Variants in GALNT13 observed in about 807,000 individuals in gnomAD.
GALNT13 encodes the protein polypeptide N-acetylgalactosaminyltransferase 13.
A neutral mutation model predicts 64.2 loss-of-function variants in GALNT13; 28 were observed. That is an observed-to-expected ratio of 0.44 (90% CI 0.32 to 0.60). The LOEUF is 0.60. GALNT13 is among the 20% of genes least tolerant of loss of function. GALNT13 has a pLI of 0.05. For missense variants in GALNT13, 577 were observed against 669.8 expected, an observed-to-expected ratio of 0.86 and a Z score of 1.53; for synonymous variants, 214 against 224.6, an observed-to-expected ratio of 0.95 and a Z score of 0.42.
chr2:154,089,812 CTT>C (rs58287232), intron 3 of GALNT13, among the ~76,000 whole-genome samples: 86 of 140,904 alleles, frequency 6.1e-4, no homozygotes, highest in Non-Finnish European at 7.6e-4. Flanking sequence ...AGATATTACC[CTT>C]TTTTTTTTTT....
At chr2:153,874,057 C>T (rs1302434174) in intron 1 of GALNT13, among the ~76,000 whole-genome samples, 1 of 151,084 alleles carries the variant, frequency 6.6e-6, no homozygotes. Flanking sequence ...TTTTGCATTA[C>T]ATTACTAATC....
rs549946940 is a variant in GALNT13, at chr2:154,329,793, A to C, written c.1156+28204A>C. Among the ~76,000 whole-genome samples the C allele has an allele frequency of 1.6e-3, 243 of 152,064 alleles. 5 individuals carry two copies. The East Asian group carries it at 0.036, about 22-fold the overall frequency. ...CCTGAGAGAGCTGGTTGTTAAAAAA[A>C]AGCCCTGGCACCACACCTCTGCCTC... On this transcript the variant is annotated intron_variant, in intron 9 of 12. Transcript: ENST00000392825.
chr2:153,198,564 G>A, the GALNT13 span, among the ~76,000 whole-genome samples: 1 of 152,130 alleles, frequency 6.6e-6, no homozygotes, highest in Non-Finnish European at 1.5e-5. Context: ...TTGGTTCTTT[G>A]TGGAGTTGAG....
the GALNT13 span, among the ~76,000 whole-genome samples, chr2:153,741,013 C>G: frequency 6.6e-6 from 1 of 152,140 alleles, no homozygotes; most frequent in Non-Finnish European, 1.5e-5. Context: ...GTTAGCCACA[C>G]TAGAAGCAAA....
At chr2:153,825,559 T>C in the GALNT13 span, among the ~76,000 whole-genome samples, 1 of 151,890 alleles carries the variant, frequency 6.6e-6, no homozygotes, top group African/African-American at 2.4e-5. Flanking sequence ...TTTTTAGGAA[T>C]GCAGGTATGA....
the GALNT13 span, among the ~76,000 whole-genome samples, chr2:153,181,995 A>C: frequency 2.0e-5 from 3 of 151,004 alleles, no homozygotes; most frequent in Non-Finnish European, 4.4e-5. Flanking sequence ...TCAGCTTGAA[A>C]ATAAATTCTC....
chr2:153,170,054 A>C, the GALNT13 span, among the ~76,000 whole-genome samples: 1 of 152,340 alleles, frequency 6.6e-6, no homozygotes, highest in Admixed American at 6.5e-5. Context: ...ACTATTATCT[A>C]ATTTATAAAA....
chr2:153,229,339 T>C, the GALNT13 span, among the ~76,000 whole-genome samples: 1 of 152,230 alleles, frequency 6.6e-6, no homozygotes, highest in East Asian at 1.9e-4. Flanking sequence ...GTTGCTTCCT[T>C]ACCCTCTGTG....
intron 9 of GALNT13, among the ~76,000 whole-genome samples, chr2:154,350,339 C>T (rs576300244): frequency 9.9e-5 from 15 of 152,262 alleles, no homozygotes; most frequent in Non-Finnish European, 1.8e-4. Flanking sequence ...GGCAGAAGAA[C>T]GTGGAAGGAC....
At chr2:154,071,863 C>T (rs1277430898) in intron 3 of GALNT13, among the ~76,000 whole-genome samples, 2 of 151,992 alleles carry the variant, frequency 1.3e-5, no homozygotes, top group Non-Finnish European at 2.9e-5. Context: ...CATCTTAACC[C>T]AACCAGTGGT....
intron 2 of GALNT13, among the ~76,000 whole-genome samples, chr2:153,906,402 C>T (rs1304175882): frequency 4.3e-5 from 6 of 138,518 alleles, no homozygotes; most frequent in Admixed American, 3.7e-4. Flanking sequence ...CCCCTCCCCC[C>T]ACTCCACAAC....
Position 154,052,734 on chromosome 2 carries a change from CT to C in GALNT13, c.143-87583del, listed in dbSNP as rs548779869. 4.6e-3 allele frequency among the ~76,000 whole-genome samples: 567 copies of C among 123,114 alleles called. 2 individuals carry two copies. Among genetic ancestry groups the C allele is most frequent in the Admixed American group, 0.017 (208 of 12,124 alleles). 80.8% of individuals were successfully genotyped at this position (123,114 alleles called of 152,430 possible). A position where few individuals can be genotyped will look rare whatever the true frequency, so the allele number is the denominator to read the frequency against. On this transcript the variant is annotated intron_variant, in intron 3 of 12. Transcript: ENST00000392825. Reference sequence around the variant, plus strand: ...TTTGTTCACTTTACTACAGAATTGACTTTTTTTTTTTTTTTTTTTTGAGACG... The same window carrying C: ...TTTGTTCACTTTACTACAGAATTGACTTTTTTTTTTTTTTTTTTTGAGACG...
intron 3 of GALNT13, among the ~76,000 whole-genome samples, chr2:153,994,361 G>A (rs1574286836): frequency 6.6e-6 from 1 of 152,126 alleles, no homozygotes; most frequent in East Asian, 1.9e-4. Context: ...ATTGTGAATA[G>A]TGCTGCAATA....
At chr2:154,039,230 ACCATATGAT>A (rs1361565041) in intron 3 of GALNT13, among the ~76,000 whole-genome samples, 2 of 151,968 alleles carry the variant, frequency 1.3e-5, no homozygotes, top group Non-Finnish European at 2.9e-5. Flanking sequence ...AAATAGAACT[ACCATATGAT>A]CCAGTAATCC....
chr2:154,137,495 T>C lies in GALNT13; in HGVS notation c.143-2842T>C, dbSNP rs1392417498. Among the ~76,000 whole-genome samples the C allele has an allele frequency of 2.0e-5, 3 of 152,152 alleles. No individual in the cohort carries two copies. In the South Asian group the frequency reaches 6.2e-4, roughly 32 times the overall value. ...ACATGTTGTTGCAAGTAGTCCTAGG[T>C]ATACGGACACTGTTTATGACCATTT... On this transcript the variant is annotated intron_variant, in intron 3 of 12. Coordinates refer to ENST00000392825, the MANE Select transcript of GALNT13 (RefSeq NM_052917.4).
intron 4 of GALNT13, chr2:154,236,252 T>C (rs1573930677): frequency 2.6e-6 from 2 of 773,364 alleles, no homozygotes; most frequent in East Asian, 1.9e-4. Context: ...TTTTAAAATG[T>C]TGGCATAAGC....
chr2:153,116,738 C>T, the GALNT13 span, among the ~76,000 whole-genome samples: 3 of 151,364 alleles, frequency 2.0e-5, no homozygotes, highest in Admixed American at 6.6e-5. Context: ...AAGTGTACAG[C>T]CTCATAAAAA....
Position 154,245,831 on chromosome 2 carries a change from A to G in GALNT13, c.706A>G (p.Ile236Val), listed in dbSNP as rs1689750337. The change falls in exon 7 of 13, where the codon ATC becomes GTC. Residue 236 changes from isoleucine to valine, a missense_variant. Transcript: ENST00000392825. ...CTGCAGGAAAACGGTTGTCTGCCCT[A>G]TCATTGATGTGATTAGTGATGATAC... ...KEDRKTVVCP[I>V]IDVISDDTFE... 1.2e-6 allele frequency: 2 copies of G among 1,606,226 alleles called. No homozygotes were observed. The highest frequency in any genetic ancestry group is 2.2e-5 in the East Asian group (1 of 44,694).
At chr2:153,099,701 T>C in the GALNT13 span, among the ~76,000 whole-genome samples, 1 of 152,256 alleles carries the variant, frequency 6.6e-6, no homozygotes, top group Non-Finnish European at 1.5e-5. Flanking sequence ...TATTTCATGG[T>C]ATTTCTCTAA....
Sources: gnomAD v4.1 joint callset for allele counts (sites outside exome capture counted in the v4.1 genomes callset) on GRCh38, gnomAD v4.1.1 for gene constraint, MANE v1.5 for transcripts, NCBI Gene and HGNC (gene_info 2026-07-23, HGNC 2026-07-21) for gene names.